The following PLCXD3 variants were observed in gnomAD, a reference collection of about 807,000 sequenced individuals.
PLCXD3 encodes PI-PLC X domain-containing protein 3.
A neutral mutation model predicts 25.5 loss-of-function variants in PLCXD3; 19 were observed. The observed-to-expected ratio is 0.75, with a 90% CI of 0.52 to 1.09. PLCXD3 has a LOEUF of 1.09. PLCXD3 is among the 50% of genes least tolerant of loss of function. PLCXD3 has a pLI of 0.00. For missense variants in PLCXD3, 411 were observed against 388.1 expected (o/e 1.06, Z -0.50); for synonymous variants, 174 against 137.6 (o/e 1.26, Z -1.85).
chr5:41,421,817 A>T (rs990827391), intron 1 of PLCXD3, among the ~76,000 whole-genome samples: 2 of 152,240 alleles, frequency 1.3e-5, no homozygotes, highest in African/African-American at 2.4e-5. Flanking sequence ...GAATATTCAA[A>T]CATAAGTCAA....
At chr5:41,487,924 A>C (rs940936241) in intron 1 of PLCXD3, among the ~76,000 whole-genome samples, 5 of 151,888 alleles carry the variant, frequency 3.3e-5, no homozygotes, top group African/African-American at 1.2e-4. Context: ...TTTTAATTTT[A>C]TTATTATTAT....
chr5:41,318,377 T>C (rs1419506627), intron 2 of PLCXD3, among the ~76,000 whole-genome samples: 2 of 151,964 alleles, frequency 1.3e-5, no homozygotes, highest in Non-Finnish European at 2.9e-5. Flanking sequence ...AAATAAAAAC[T>C]ACAACAAAAT....
At chr5:41,487,970 G>A (rs1384080743) in intron 1 of PLCXD3, among the ~76,000 whole-genome samples, 4 of 151,578 alleles carry the variant, frequency 2.6e-5, no homozygotes, top group East Asian at 1.9e-4. Flanking sequence ...ACAATGTGCA[G>A]GTTAGTTACA....
intron 1 of PLCXD3, among the ~76,000 whole-genome samples, chr5:41,460,639 G>T (rs1747852819): frequency 6.6e-6 from 1 of 151,942 alleles, no homozygotes; most frequent in Non-Finnish European, 1.5e-5. Context: ...ACTTTATCTA[G>T]TGAGCACTCA....
At chr5:41,440,492 C>T (rs1192447073) in intron 1 of PLCXD3, among the ~76,000 whole-genome samples, 7 of 152,046 alleles carry the variant, frequency 4.6e-5, no homozygotes, top group East Asian at 1.9e-4. Context: ...CTTGGCCTCC[C>T]AAAGTGCTGG....
chr5:41,382,951 C>G (rs1326829030), intron 1 of PLCXD3, among the ~76,000 whole-genome samples: 1 of 151,982 alleles, frequency 6.6e-6, no homozygotes, highest in Non-Finnish European at 1.5e-5. Flanking sequence ...GATTTTAAGC[C>G]TAGAAGGATT....
At chr5:41,499,714 G>A (rs1011119681) in intron 1 of PLCXD3, among the ~76,000 whole-genome samples, 2 of 151,752 alleles carry the variant, frequency 1.3e-5, no homozygotes, top group African/African-American at 4.8e-5. Flanking sequence ...AAAGCTGGAG[G>A]CCTCACACCT....
chr5:41,414,653 G>A (rs1267997874), intron 1 of PLCXD3, among the ~76,000 whole-genome samples: 1 of 152,180 alleles, frequency 6.6e-6, no homozygotes, highest in Non-Finnish European at 1.5e-5. Context: ...CGCAATTTCA[G>A]TTACCCATGC....
chr5:41,363,494 G>A (rs1005716731), intron 2 of PLCXD3, among the ~76,000 whole-genome samples: 1 of 152,120 alleles, frequency 6.6e-6, no homozygotes, highest in African/African-American at 2.4e-5. Context: ...CTTATAAGCT[G>A]AAGATGAGCT....
chr5:41,437,919 A>G (rs1438896649), intron 1 of PLCXD3, among the ~76,000 whole-genome samples: 1 of 152,194 alleles, frequency 6.6e-6, no homozygotes, highest in Non-Finnish European at 1.5e-5. Context: ...ATTGACCAAA[A>G]TCCAGGTTTC....
intron 1 of PLCXD3, among the ~76,000 whole-genome samples, chr5:41,461,992 A>G (rs114764301): frequency 0.013 from 1,928 of 152,110 alleles, 42 homozygotes; most frequent in African/African-American, 0.043. Context: ...AAATAACTGT[A>G]TGAAAACCTC....
At chr5:41,376,902 A>T (rs1425706738) in intron 2 of PLCXD3, among the ~76,000 whole-genome samples, 1 of 152,112 alleles carries the variant, frequency 6.6e-6, no homozygotes, top group African/African-American at 2.4e-5. Flanking sequence ...GGTCTACCTG[A>T]ATGTACTGCC....
At chr5:41,440,217 T>TTTTG (rs1284533137) in intron 1 of PLCXD3, among the ~76,000 whole-genome samples, 4 of 21,272 alleles carry the variant, frequency 1.9e-4, no homozygotes, top group African/African-American at 5.3e-4. Flanking sequence ...ATCTCTCAAT[T>TTTTG]TTTTTTTTTT....
chr5:41,439,191 GA>G (rs1008507711), intron 1 of PLCXD3, among the ~76,000 whole-genome samples: 2 of 151,980 alleles, frequency 1.3e-5, no homozygotes, highest in African/African-American at 4.8e-5. Flanking sequence ...GTCATGAATG[GA>G]AAATTTGTCC....
In PLCXD3 at chr5:41,307,133, A is replaced by G. The variant is rs1431785787; in HGVS notation, c.*6484T>C. On this transcript the variant is annotated 3_prime_UTR_variant, in exon 3 of 3. Transcript: ENST00000377801. ...CAGATCCTAAAAAGAGAAGGCACAG[A>G]TCTGTCTCTCTCTGGTGAATTTCTG... 1 of 152,600 alleles carries G rather than the reference A, an allele frequency of 6.6e-6. No homozygotes were observed. Among genetic ancestry groups the G allele is most frequent in the East Asian group, 1.9e-4 (1 of 5,198 alleles). 9.5% of individuals were successfully genotyped at this position (152,600 alleles called of 1,614,324 possible).
intron 2 of PLCXD3, among the ~76,000 whole-genome samples, chr5:41,362,799 G>T (rs559969299): frequency 1.0e-3 from 154 of 152,254 alleles, no homozygotes; most frequent in Admixed American, 4.0e-3. Context: ...CGTAGTCCAG[G>T]AAGAAGAAAT....
intron 2 of PLCXD3, among the ~76,000 whole-genome samples, chr5:41,322,113 G>A (rs1474438255): frequency 2.0e-5 from 3 of 152,158 alleles, no homozygotes; most frequent in African/African-American, 7.2e-5. Flanking sequence ...TCTGCACAGT[G>A]AAGGATACAA....
At chr5:41,462,287 C>G (rs1747903240) in intron 1 of PLCXD3, among the ~76,000 whole-genome samples, 1 of 151,970 alleles carries the variant, frequency 6.6e-6, no homozygotes, top group Non-Finnish European at 1.5e-5. Context: ...GAGAACAGAA[C>G]TAGTGAGCTA....
chr5:41,359,422 T>C (rs1475879874), intron 2 of PLCXD3, among the ~76,000 whole-genome samples: 5 of 152,194 alleles, frequency 3.3e-5, no homozygotes, highest in Non-Finnish European at 5.9e-5. Flanking sequence ...AGAGTTTCTA[T>C]ATCTTCCTGG....
Sources: allele counts gnomAD v4.1 joint callset (sites outside exome capture counted in the v4.1 genomes callset), GRCh38; gene constraint gnomAD v4.1.1; transcripts MANE v1.5; gene names NCBI Gene and HGNC (gene_info 2026-07-23, HGNC 2026-07-21).